The following TBCD variants were observed in gnomAD, a reference collection of about 807,000 sequenced individuals.
The protein encoded by TBCD is tubulin-specific chaperone D.
A neutral mutation model predicts 169.3 loss-of-function variants in TBCD; 105 were observed. That is an observed-to-expected ratio of 0.62 (90% CI 0.53 to 0.73). The LOEUF is 0.73. Among genes scored for constraint, TBCD ranks in the 30% least tolerant of loss-of-function variants. The probability of loss-of-function intolerance (pLI) is 0.00; values close to 1 mark genes in which losing one functional copy is unlikely to be tolerated. For missense variants in TBCD, 1,444 were observed against 1,600.1 expected, an observed-to-expected ratio of 0.90 and a Z score of 1.66; for synonymous variants, 700 against 643.9, an observed-to-expected ratio of 1.09 and a Z score of -1.32.
chr17:82,920,316 G>T lies in TBCD; in HGVS notation c.2039-240G>T. 8.7e-6 allele frequency: 5 copies of T among 575,710 alleles called. No individual in the cohort carries two copies. The South Asian group carries it at 1.1e-4, about 12-fold the overall frequency. 35.7% of individuals were successfully genotyped at this position (575,710 alleles called of 1,614,324 possible). A position where few individuals can be genotyped will look rare whatever the true frequency, so the allele number is the denominator to read the frequency against. On this transcript the variant is annotated intron_variant, in intron 23 of 38. Coordinates refer to ENST00000355528, the MANE Select transcript of TBCD (RefSeq NM_005993.5). The surrounding 1 kb of genome is among the most constrained non-coding windows in gnomAD (Gnocchi z 4.1). ...ACGTGGGCTCACACATGGGCCTTCT[G>T]CCACGTGGCTGGGTCTGCAGCACTT...
At chr17:82,938,277 C>T (rs1159956341) in intron 36 of TBCD, 141 bp downstream of exon 36, 1 of 933,982 alleles carries the variant, frequency 1.1e-6, no homozygotes, top group African/African-American at 1.6e-5. Flanking sequence ...GACGACGCGT[C>T]ACAGGCACGC....
chr17:82,779,465 G>A (rs1205734300), intron 6 of TBCD, among the ~76,000 whole-genome samples: 1 of 152,320 alleles, frequency 6.6e-6, no homozygotes, highest in Admixed American at 6.5e-5. Flanking sequence ...TTTCCCCATT[G>A]TTCATGCTGA....
At chr17:82,801,036 G>C (rs1165923649) in intron 9 of TBCD, 40 bp downstream of exon 9, 1 of 1,566,504 alleles carries the variant, frequency 6.4e-7, no homozygotes, top group Non-Finnish European at 8.6e-7. Context: ...GGGCCACGGG[G>C]TGGGGAGGGG....
chr17:82,829,985 T>A (rs1415965762), intron 13 of TBCD: 2 of 1,222,214 alleles, frequency 1.6e-6, no homozygotes, highest in South Asian at 2.9e-5. Flanking sequence ...AAAAACTGAA[T>A]TGGAGGGTTT....
At chr17:82,896,338 C>T (rs1281730526) in intron 17 of TBCD, among the ~76,000 whole-genome samples, 1 of 151,780 alleles carries the variant, frequency 6.6e-6, no homozygotes, top group Non-Finnish European at 1.5e-5. Context: ...TGGGCAGTGT[C>T]TTGTCTGGGT....
chr17:82,904,644 C>T (rs535775545), intron 19 of TBCD, among the ~76,000 whole-genome samples: 112 of 152,154 alleles, frequency 7.4e-4, no homozygotes, highest in Admixed American at 2.3e-3. Flanking sequence ...ATGTGTGTAC[C>T]GTCACTCCCC....
intron 34 of TBCD, among the ~76,000 whole-genome samples, chr17:82,933,442 C>T (rs1163116643): frequency 6.6e-6 from 1 of 151,772 alleles, no homozygotes; most frequent in Non-Finnish European, 1.5e-5. Context: ...TTAGTAGAGA[C>T]AGGATTTCAC....
intron 14 of TBCD, among the ~76,000 whole-genome samples, chr17:82,877,827 C>T (rs1358774804): frequency 6.6e-6 from 1 of 152,018 alleles, no homozygotes; most frequent in Non-Finnish European, 1.5e-5. Context: ...CTTATTTAGG[C>T]TATAGTTTGT....
rs1179347572 is a variant in TBCD, at chr17:82,923,084, T to C, written c.2179-568T>C. Among the ~76,000 whole-genome samples the C allele has an allele frequency of 6.6e-6, 1 of 152,230 alleles. No homozygotes were observed. Among genetic ancestry groups the C allele is most frequent in the Non-Finnish European group, 1.5e-5 (1 of 68,034 alleles). On this transcript the variant is annotated intron_variant, in intron 25 of 38. Coordinates refer to ENST00000355528, the MANE Select transcript of TBCD (RefSeq NM_005993.5). This position sits in a 1 kb window ranked among gnomAD's most constrained non-coding sequence, Gnocchi z 4.6. ...TGTTCCCAGTGCGCCCCCGGAGCCC[T>C]GTCTCTCTAAATGAGGCTGACGTGG...
In TBCD at chr17:82,945,760, T is replaced by A. The variant is rs2063657570; in HGVS notation, c.*3297T>A. ...CAGCTGTGACAAAAAGAAAAAAAAA[T>A]GTCTCCAGACACTGCCAAATATCTT... On this transcript the variant is annotated 3_prime_UTR_variant, in exon 39 of 39. Coordinates refer to ENST00000355528, the MANE Select transcript of TBCD (RefSeq NM_005993.5). 1 of 151,960 alleles carries A rather than the reference T, an allele frequency of 6.6e-6. No homozygotes were observed. Among genetic ancestry groups the A allele is most frequent in the Non-Finnish European group, 1.5e-5 (1 of 67,970 alleles). The allele number at this position is 151,960 out of a possible 1,614,324, so 9.4% of individuals were successfully genotyped here. A position where few individuals can be genotyped will look rare whatever the true frequency, so the allele number is the denominator to read the frequency against.
intron 14 of TBCD, among the ~76,000 whole-genome samples, chr17:82,878,156 G>A (rs1384753036): frequency 6.6e-6 from 1 of 152,194 alleles, no homozygotes; most frequent in Non-Finnish European, 1.5e-5. Context: ...CTAACAGGCT[G>A]GTCTGCCCGG....
At chr17:82,891,598 G>A (rs1015782149) in intron 16 of TBCD, among the ~76,000 whole-genome samples, 3 of 152,212 alleles carry the variant, frequency 2.0e-5, no homozygotes, top group Non-Finnish European at 4.4e-5. Flanking sequence ...GGGAGTGGAC[G>A]TGTCGCATAG....
In TBCD at chr17:82,922,786, T is replaced by C. The variant is rs2061495392; in HGVS notation, c.2179-866T>C. Among the ~76,000 whole-genome samples, 1 of 152,264 alleles carries C rather than the reference T, an allele frequency of 6.6e-6. No homozygotes were observed. The highest frequency in any genetic ancestry group is 2.4e-5 in the African/African-American group (1 of 41,468). Reference sequence around the variant, plus strand: ...CCCCAGTGCCTCTCCAAGGCTGCTCTGTTGGCCTCGGCTCCTGGGCTTCGG... The same window carrying C: ...CCCCAGTGCCTCTCCAAGGCTGCTCCGTTGGCCTCGGCTCCTGGGCTTCGG... On this transcript the variant is annotated intron_variant, in intron 25 of 38. Transcript: ENST00000355528. The surrounding 1 kb of genome is among the most constrained non-coding windows in gnomAD (Gnocchi z 4.1).
At chr17:82,843,040 A>G (rs1048750225) in intron 13 of TBCD, among the ~76,000 whole-genome samples, 5 of 151,984 alleles carry the variant, frequency 3.3e-5, no homozygotes, top group African/African-American at 9.7e-5. Flanking sequence ...TCGGCCTCCC[A>G]AAGTGCTAGG....
chr17:82,940,859 C>T (rs771018369), intron 37 of TBCD, among the ~76,000 whole-genome samples: 32 of 152,222 alleles, frequency 2.1e-4, no homozygotes, highest in East Asian at 1.9e-4. Flanking sequence ...CCTCCTCCAG[C>T]GAGGCTGGGT....
At chr17:82,837,633 C>T (rs1040368954) in intron 13 of TBCD, among the ~76,000 whole-genome samples, 5 of 152,144 alleles carry the variant, frequency 3.3e-5, no homozygotes, top group African/African-American at 1.2e-4. Context: ...GTGAAGACCT[C>T]GGTGTGATCC....
intron 18 of TBCD, among the ~76,000 whole-genome samples, chr17:82,901,515 TG>T (rs1469006465): frequency 3.3e-5 from 5 of 150,338 alleles, no homozygotes; most frequent in African/African-American, 1.2e-4. Context: ...GCGGCCCGGC[TG>T]CCTACTGTGG....
chr17:82,876,873 G>A lies in TBCD; in HGVS notation c.1475+6493G>A, dbSNP rs1056632325. 7 of 679,428 alleles carry A rather than the reference G, an allele frequency of 1.0e-5. No individual in the cohort carries two copies. In the South Asian group the frequency reaches 2.0e-4, roughly 19 times the overall value. 42.1% of individuals were successfully genotyped at this position (679,428 alleles called of 1,614,324 possible). On this transcript the variant is annotated intron_variant, in intron 14 of 38. Transcript: ENST00000355528. ...TGTGTCCAAATTGCTGAGTACTGCC[G>A]GGAGAGGGAGCCGGGAGTGCCTGCG...
chr17:82,758,398 A>T (rs1329267408), intron 2 of TBCD, among the ~76,000 whole-genome samples: 1,506 of 140,820 alleles, frequency 0.011, 62 homozygotes, highest in African/African-American at 0.039. Context: ...AAAAAAAAAA[A>T]AAAAATAAAT....
Sources: allele counts gnomAD v4.1 joint callset (sites outside exome capture counted in the v4.1 genomes callset), GRCh38; gene constraint gnomAD v4.1.1; non-coding constraint Gnocchi (gnomAD v3.1); transcripts MANE v1.5; gene names NCBI Gene and HGNC (gene_info 2026-07-23, HGNC 2026-07-21).